The following NCKAP5 variants were observed in gnomAD, a reference collection of about 807,000 sequenced individuals.
The protein encoded by NCKAP5 is nck-associated protein 5.
NCKAP5 carries 92 observed loss-of-function variants against 167.0 expected under a neutral mutation model. The observed-to-expected ratio is 0.55, with a 90% CI of 0.47 to 0.66. The LOEUF (loss-of-function observed/expected upper bound fraction) is 0.66. Ranked by LOEUF, NCKAP5 falls within the 30% of genes least tolerant of loss-of-function variation. The pLI, the probability that NCKAP5 is intolerant of heterozygous loss-of-function variation, is 0.00. For synonymous variants in NCKAP5, 891 were observed against 877.4 expected (o/e 1.02, Z -0.27); for missense variants, 2,378 against 2,315.0 (o/e 1.03, Z -0.56).
At chr2:133,216,261 T>G (rs893458274) in intron 4 of NCKAP5, among the ~76,000 whole-genome samples, 1 of 151,992 alleles carries the variant, frequency 6.6e-6, no homozygotes, top group Non-Finnish European at 1.5e-5. Flanking sequence ...ATCCAATAAA[T>G]AATTGGATTT....
intron 11 of NCKAP5, among the ~76,000 whole-genome samples, chr2:132,821,594 C>T (rs538316107): frequency 1.3e-5 from 2 of 152,274 alleles, no homozygotes; most frequent in East Asian, 3.9e-4. Flanking sequence ...AGCGAAGGAG[C>T]TACTGCGGAC....
chr2:133,304,406 T>A (rs1680624959), intron 3 of NCKAP5, among the ~76,000 whole-genome samples: 3 of 152,226 alleles, frequency 2.0e-5, no homozygotes, highest in Admixed American at 2.0e-4. Context: ...CTGTTATAGA[T>A]AATTAGCTAA....
intron 3 of NCKAP5, among the ~76,000 whole-genome samples, chr2:133,474,143 TCTATCTATCTATAC>T (rs1424265987): frequency 6.1e-5 from 9 of 146,664 alleles, no homozygotes; most frequent in African/African-American, 2.2e-4. Flanking sequence ...TATCTATCTA[TCTATCTATCTATAC>T]ACACACACAC....
intron 11 of NCKAP5, among the ~76,000 whole-genome samples, chr2:132,820,514 C>G (rs1273893191): frequency 6.6e-6 from 1 of 152,066 alleles, no homozygotes; most frequent in Non-Finnish European, 1.5e-5. Context: ...AGGCGTGAGC[C>G]ACCGAGCCCA....
At chr2:133,655,041 G>A in the NCKAP5 span, among the ~76,000 whole-genome samples, 12 of 152,082 alleles carry the variant, frequency 7.9e-5, no homozygotes, top group Non-Finnish European at 1.8e-4. Flanking sequence ...CTTTCCTTGG[G>A]TTCAACTCCT....
chr2:133,606,932 C>T, the NCKAP5 span, among the ~76,000 whole-genome samples: 1 of 152,100 alleles, frequency 6.6e-6, no homozygotes, highest in Non-Finnish European at 1.5e-5. Flanking sequence ...GTTACAGCTC[C>T]ACTGGTGTCC....
chr2:133,354,344 A>G (rs1684566216), intron 3 of NCKAP5, among the ~76,000 whole-genome samples: 1 of 145,970 alleles, frequency 6.9e-6, no homozygotes, highest in African/African-American at 2.6e-5. Context: ...CTGGACTTGA[A>G]CTCCTGGGCT....
intron 6 of NCKAP5, among the ~76,000 whole-genome samples, chr2:133,064,008 C>T (rs1453026886): frequency 1.3e-5 from 2 of 152,194 alleles, no homozygotes; most frequent in African/African-American, 4.8e-5. Flanking sequence ...CGTTTCTTAG[C>T]AGTTGTTGCC....
chr2:133,598,667 G>C, the NCKAP5 span, among the ~76,000 whole-genome samples: 4 of 152,218 alleles, frequency 2.6e-5, no homozygotes, highest in African/African-American at 9.6e-5. Flanking sequence ...AGGTGGAAGA[G>C]ATGGGGAGTC....
chr2:132,757,280 T>G (rs933970700), intron 16 of NCKAP5, among the ~76,000 whole-genome samples: 10 of 152,194 alleles, frequency 6.6e-5, no homozygotes, highest in Middle Eastern at 3.2e-3. Flanking sequence ...TGAAAGAAAT[T>G]AAGACTGACA....
intron 15 of NCKAP5, among the ~76,000 whole-genome samples, chr2:132,778,168 C>T (rs570346469): frequency 6.6e-6 from 1 of 152,054 alleles, no homozygotes; most frequent in African/African-American, 2.4e-5. Context: ...TGCCTTTTCC[C>T]TATTTTATAA....
chr2:133,504,913 C>T (rs4954058), intron 3 of NCKAP5, among the ~76,000 whole-genome samples: 98,503 of 151,920 alleles, frequency 0.65, 32,179 homozygotes, highest in East Asian at 0.8. Flanking sequence ...CCCAGTTCCC[C>T]CCCAAAACTC....
chr2:132,772,053 C>A (rs1162273464), intron 16 of NCKAP5, among the ~76,000 whole-genome samples: 1 of 151,868 alleles, frequency 6.6e-6, no homozygotes, highest in Non-Finnish European at 1.5e-5. Flanking sequence ...TAGACAAATA[C>A]TTACCATTGT....
the NCKAP5 span, among the ~76,000 whole-genome samples, chr2:133,580,241 C>T: frequency 6.6e-6 from 1 of 152,184 alleles, no homozygotes; most frequent in Non-Finnish European, 1.5e-5. Context: ...TACCTCCTGA[C>T]TCTCTGCAGG....
intron 4 of NCKAP5, among the ~76,000 whole-genome samples, chr2:133,297,903 G>A (rs146896164): frequency 6.6e-6 from 1 of 152,318 alleles, no homozygotes; most frequent in East Asian, 1.9e-4. Flanking sequence ...CAGAGAAGGA[G>A]CCTATACTGA....
intron 3 of NCKAP5, among the ~76,000 whole-genome samples, chr2:133,304,792 C>T (rs1345248210): frequency 6.6e-6 from 1 of 152,196 alleles, no homozygotes; most frequent in African/African-American, 2.4e-5. Flanking sequence ...AGGGGGAAAG[C>T]CACTGCCCTC....
intron 6 of NCKAP5, among the ~76,000 whole-genome samples, chr2:133,115,034 T>A (rs1207460736): frequency 6.6e-6 from 1 of 152,204 alleles, no homozygotes; most frequent in East Asian, 1.9e-4. Context: ...CCACTGAGGA[T>A]GATTTAGTTA....
intron 4 of NCKAP5, among the ~76,000 whole-genome samples, chr2:133,237,296 A>G (rs947172400): frequency 1.3e-5 from 2 of 152,194 alleles, no homozygotes; most frequent in African/African-American, 4.8e-5. Flanking sequence ...TGGAGTTAAG[A>G]CCACTTTAAT....
At chr2:132,958,958 G>A (rs2076421991) in intron 8 of NCKAP5, among the ~76,000 whole-genome samples, 1 of 150,394 alleles carries the variant, frequency 6.6e-6, no homozygotes, top group African/African-American at 2.4e-5. Flanking sequence ...CCACTGGGGT[G>A]GGGACCAAAA....
Sources: gnomAD v4.1 joint callset for allele counts (sites outside exome capture counted in the v4.1 genomes callset) on GRCh38, gnomAD v4.1.1 for gene constraint, MANE v1.5 for transcripts, NCBI Gene and HGNC (gene_info 2026-07-23, HGNC 2026-07-21) for gene names.